GNB4: variants seen among roughly 807,000 people sequenced by gnomAD.
GNB4 encodes the protein guanine nucleotide-binding protein subunit beta-4.
Under a neutral mutation model 45.2 loss-of-function variants are expected in GNB4, and 28 were observed. The observed-to-expected ratio is 0.62, with a 90% CI of 0.46 to 0.85. The LOEUF is 0.85. Ranked by LOEUF, GNB4 falls within the 40% of genes least tolerant of loss-of-function variation. The probability of loss-of-function intolerance (pLI) is 0.00; values close to 1 mark genes in which losing one functional copy is unlikely to be tolerated. For synonymous variants in GNB4, 132 were observed against 143.7 expected (o/e 0.92, Z 0.58); for missense variants, 321 against 425.4 (o/e 0.75, Z 2.16).
At chr3:179,514,008 G>C in the GNB4 span, among the ~76,000 whole-genome samples, 1 of 152,150 alleles carries the variant, frequency 6.6e-6, no homozygotes, top group Middle Eastern at 3.2e-3. Flanking sequence ...ATTAAATGTA[G>C]AATGAGACAC....
At chr3:179,412,465 G>A (rs1714679076) in intron 8 of GNB4, among the ~76,000 whole-genome samples, 1 of 151,976 alleles carries the variant, frequency 6.6e-6, no homozygotes, top group African/African-American at 2.4e-5. Context: ...GCAACGGAAT[G>A]AGACCCTGTC....
At chr3:179,519,071 CT>C in the GNB4 span, among the ~76,000 whole-genome samples, 1 of 152,226 alleles carries the variant, frequency 6.6e-6, no homozygotes, top group South Asian at 2.1e-4. Context: ...CACACAAGAA[CT>C]TCCAAACACC....
the GNB4 span, among the ~76,000 whole-genome samples, chr3:179,471,642 A>G: frequency 6.6e-6 from 1 of 152,184 alleles, no homozygotes; most frequent in Admixed American, 6.5e-5. Context: ...TCATCTAAGG[A>G]TGCATTTCTC....
intron 8 of GNB4, among the ~76,000 whole-genome samples, chr3:179,407,048 C>T (rs891370028): frequency 6.6e-6 from 1 of 152,172 alleles, no homozygotes; most frequent in African/African-American, 2.4e-5. Flanking sequence ...AATGGAGCAA[C>T]AGTGATTGGA....
At chr3:179,524,872 G>T in the GNB4 span, among the ~76,000 whole-genome samples, 2 of 152,186 alleles carry the variant, frequency 1.3e-5, no homozygotes. Flanking sequence ...GTGGGGGAGG[G>T]CTAGTTTCGG....
At chr3:179,493,613 G>T in the GNB4 span, among the ~76,000 whole-genome samples, 1 of 151,956 alleles carries the variant, frequency 6.6e-6, no homozygotes, top group African/African-American at 2.4e-5. Context: ...AATTATAGGG[G>T]TCCCAGAATG....
At chr3:179,426,624 A>T (rs1715153960) in intron 1 of GNB4, among the ~76,000 whole-genome samples, 2 of 152,116 alleles carry the variant, frequency 1.3e-5, no homozygotes, top group African/African-American at 4.8e-5. Context: ...CCCACCCCCA[A>T]GCCTTCCCCA....
the GNB4 span, among the ~76,000 whole-genome samples, chr3:179,459,995 CTT>C: frequency 1.3e-5 from 2 of 152,250 alleles, no homozygotes; most frequent in Non-Finnish European, 2.9e-5. Context: ...CTTTTCCCCT[CTT>C]TTCCCATTAT....
intron 2 of GNB4, among the ~76,000 whole-genome samples, chr3:179,424,090 T>C (rs529718755): frequency 6.6e-6 from 1 of 152,308 alleles, no homozygotes; most frequent in East Asian, 1.9e-4. Flanking sequence ...GAGAACCAAC[T>C]TTAAGTTATA....
chr3:179,508,812 C>T, the GNB4 span, among the ~76,000 whole-genome samples: 9 of 151,380 alleles, frequency 5.9e-5, no homozygotes, highest in Non-Finnish European at 8.8e-5. Context: ...AAAATTCATG[C>T]ATTAGATACT....
chr3:179,444,232 T>C (rs1191589001), intron 1 of GNB4, among the ~76,000 whole-genome samples: 1 of 152,088 alleles, frequency 6.6e-6, no homozygotes, highest in Non-Finnish European at 1.5e-5. Flanking sequence ...TTCATTTTTT[T>C]CCCCCCAAAG....
At chr3:179,505,974 C>G in the GNB4 span, among the ~76,000 whole-genome samples, 1 of 152,184 alleles carries the variant, frequency 6.6e-6, no homozygotes, top group Non-Finnish European at 1.5e-5. Context: ...CACAGCTAAC[C>G]TAAGCTGATT....
At chr3:179,506,984 C>G in the GNB4 span, among the ~76,000 whole-genome samples, 1 of 152,190 alleles carries the variant, frequency 6.6e-6, no homozygotes, top group African/African-American at 2.4e-5. Context: ...AGCTCCTCAG[C>G]CTCCAACCTG....
chr3:179,424,855 G>A (rs981532518), intron 2 of GNB4, among the ~76,000 whole-genome samples: 2 of 151,972 alleles, frequency 1.3e-5, no homozygotes, highest in African/African-American at 2.4e-5. Context: ...CAATCCTCCC[G>A]CCTCAGCCTT....
At chr3:179,511,801 G>T in the GNB4 span, among the ~76,000 whole-genome samples, 13 of 152,170 alleles carry the variant, frequency 8.5e-5, no homozygotes, top group Non-Finnish European at 1.8e-4. Flanking sequence ...CTCATCTGGT[G>T]CTTTTCACAA....
At chr3:179,443,982 G>A (rs1018335693) in intron 1 of GNB4, among the ~76,000 whole-genome samples, 13 of 151,974 alleles carry the variant, frequency 8.6e-5, no homozygotes, top group Admixed American at 5.9e-4. Context: ...TCCTATTCAC[G>A]TTTTTATCCT....
intron 1 of GNB4, among the ~76,000 whole-genome samples, chr3:179,444,962 G>A (rs1341317487): frequency 6.6e-6 from 1 of 151,768 alleles, no homozygotes; most frequent in Non-Finnish European, 1.5e-5. Context: ...GGGTAAAGGT[G>A]TTTAGTTGAA....
chr3:179,411,847 T>C (rs1192489071), intron 8 of GNB4, among the ~76,000 whole-genome samples: 1 of 152,224 alleles, frequency 6.6e-6, no homozygotes, highest in Admixed American at 6.5e-5. Flanking sequence ...TGTCTTGTTA[T>C]AAAATTAGAA....
the GNB4 span, among the ~76,000 whole-genome samples, chr3:179,523,172 G>A: frequency 2.0e-5 from 3 of 152,098 alleles, no homozygotes; most frequent in East Asian, 1.9e-4. Context: ...GAGATTAGCC[G>A]GACACTATCA....
Sources: allele counts gnomAD v4.1 joint callset (sites outside exome capture counted in the v4.1 genomes callset), GRCh38; gene constraint gnomAD v4.1.1; transcripts MANE v1.5; gene names NCBI Gene and HGNC (gene_info 2026-07-23, HGNC 2026-07-21).